Variants in FAM186B observed in about 807,000 individuals in gnomAD.
FAM186B encodes protein FAM186B.
In FAM186B, 68 loss-of-function variants were observed where a neutral mutation model predicts 83.4. That is an observed-to-expected ratio of 0.81 (90% CI 0.67 to 1.00). The LOEUF (loss-of-function observed/expected upper bound fraction) is 1.00, where lower values mean the gene tolerates loss of function less well. FAM186B is among the 50% of genes least tolerant of loss of function. FAM186B has a pLI of 0.00. For missense variants in FAM186B, 983 were observed against 1,099.2 expected (o/e 0.89, Z 1.49); for synonymous variants, 389 against 422.0 (o/e 0.92, Z 0.96).
the FAM186B span, among the ~76,000 whole-genome samples, chr12:49,621,173 A>G: frequency 6.6e-6 from 1 of 152,240 alleles, no homozygotes; most frequent in African/African-American, 2.4e-5. Context: ...ACTTGAGCTC[A>G]GGAGTTCAAG....
At chr12:49,585,594 G>A (rs183797366), downstream of FAM186B, among the ~76,000 whole-genome samples, 33 of 152,326 alleles carry the variant, frequency 2.2e-4, no homozygotes, top group African/African-American at 6.7e-4. Flanking sequence ...CTCACATGCC[G>A]AGAGGACGCC....
chr12:49,608,941 G>A (rs1213463354), upstream of FAM186B, among the ~76,000 whole-genome samples: 4 of 152,144 alleles, frequency 2.6e-5, no homozygotes, highest in Non-Finnish European at 4.4e-5. Flanking sequence ...GGCCCAGGAT[G>A]CCACTTTTAA....
At chr12:49,585,356 G>A (rs955689405), downstream of FAM186B, among the ~76,000 whole-genome samples, 3 of 152,182 alleles carry the variant, frequency 2.0e-5, no homozygotes, top group Admixed American at 2.0e-4. Context: ...AACAGACCCT[G>A]AGCAAGGGGA....
At chr12:49,582,948 T>A (rs1258275078), downstream of FAM186B, 4 of 446,330 alleles carry the variant, frequency 9.0e-6, no homozygotes, top group African/African-American at 8.0e-5. Context: ...GTGCAGGCTT[T>A]CTTTGCCTTT....
At chr12:49,607,540 C>G (rs887502815), upstream of FAM186B, among the ~76,000 whole-genome samples, 7 of 152,086 alleles carry the variant, frequency 4.6e-5, no homozygotes, top group Admixed American at 3.3e-4. Context: ...TATAAAAAAC[C>G]TTTCCCTCAA....
At chr12:49,619,412 C>G in the FAM186B span, 1 of 500,374 alleles carries the variant, frequency 2.0e-6, no homozygotes, top group Non-Finnish European at 3.6e-6. Flanking sequence ...TAAAGAGGCA[C>G]CATTCATCCC....
chr12:49,604,709 A>G (rs1939974193), intron 1 of FAM186B, 171 bp from the exon 2 acceptor site: 1 of 582,474 alleles, frequency 1.7e-6, no homozygotes, highest in Non-Finnish European at 3.0e-6. Context: ...TAAGGATTAA[A>G]TGAATTAAAT....
chr12:49,609,704 G>A (rs1258226897), upstream of FAM186B, among the ~76,000 whole-genome samples: 1 of 152,176 alleles, frequency 6.6e-6, no homozygotes, highest in Non-Finnish European at 1.5e-5. Context: ...AGAACTTGGG[G>A]CCAAGGAGGT....
chr12:49,614,856 C>G, the FAM186B span, among the ~76,000 whole-genome samples: 2 of 152,208 alleles, frequency 1.3e-5, no homozygotes, highest in Admixed American at 6.5e-5. Context: ...TGGGGCCGGG[C>G]GCAGTGGTTC....
the FAM186B span, among the ~76,000 whole-genome samples, chr12:49,612,537 T>TG: frequency 6.8e-6 from 1 of 147,938 alleles, no homozygotes. Context: ...TTATGTGTGT[T>TG]TTTTTTTTTT....
intron 1 of FAM186B, chr12:49,604,755 C>T (rs953108506): frequency 1.3e-4 from 64 of 476,210 alleles, no homozygotes; most frequent in Middle Eastern, 1.1e-3. Context: ...TGGCACATTA[C>T]ACAAAAGTGG....
rs189100676 is a variant in FAM186B, at chr12:49,596,041, G to T, written c.2364+2714C>A. On this transcript the variant is annotated intron_variant, in intron 5 of 6. Transcript: ENST00000257894. ...CAGCGAAATGTGACGATCACTTAGA[G>T]AAACAGGCCATTAGGAATCCATTCT... Among the ~76,000 whole-genome samples, 8 of 152,244 alleles carry T rather than the reference G, an allele frequency of 5.3e-5. No homozygotes were observed. The East Asian group carries it at 1.5e-3, about 29-fold the overall frequency.
chr12:49,608,508 C>A (rs369386209), upstream of FAM186B, among the ~76,000 whole-genome samples: 2,431 of 146,626 alleles, frequency 0.017, 58 homozygotes, highest in African/African-American at 0.058. Context: ...AAAAAAAAAA[C>A]CAAAAACCTT....
downstream of FAM186B, chr12:49,584,189 C>T (rs908649146): frequency 9.0e-6 from 3 of 331,946 alleles, no homozygotes; most frequent in South Asian, 3.9e-5. Context: ...ACAGCTATCT[C>T]GGCATGTTTG....
the FAM186B span, among the ~76,000 whole-genome samples, chr12:49,611,724 T>C: frequency 4.1e-5 from 2 of 48,584 alleles, no homozygotes; most frequent in African/African-American, 8.1e-5. Flanking sequence ...CTGAGCACAG[T>C]GGCATGCACC....
chr12:49,604,194 G>C, intron 2 of FAM186B, 119 bp downstream of exon 2: 1 of 749,084 alleles, frequency 1.3e-6, no homozygotes, highest in South Asian at 1.7e-5. Flanking sequence ...GAGGTGATGT[G>C]CTGTGACACG....
In FAM186B at chr12:49,604,478, G is replaced by T. The variant is rs374641159; in HGVS notation, c.157C>A (p.Gln53Lys). ...DNVNCVINRFQEELGYDLKEN... is the reference protein window; with the variant it reads ...DNVNCVINRFKEELGYDLKEN... ...TTTAAATCATATCCTAATTCTTCCT[G>T]GAAGCGGTTGATGACACAATTGACA... The change falls in exon 2 of 7, where the codon CAG becomes AAG. Residue 53 changes from glutamine (Q) to lysine (K), a missense_variant. Coordinates refer to ENST00000257894, the MANE Select transcript of FAM186B (RefSeq NM_032130.3). 2 of 1,614,034 alleles carry T rather than the reference G, an allele frequency of 1.2e-6. No homozygotes were observed. Among genetic ancestry groups the T allele is most frequent in the African/African-American group, 2.7e-5 (2 of 74,906 alleles).
chr12:49,591,987 A>G (rs962916486), intron 5 of FAM186B, among the ~76,000 whole-genome samples: 15 of 152,182 alleles, frequency 9.9e-5, no homozygotes, highest in African/African-American at 3.4e-4. Flanking sequence ...TCTGTGGTTG[A>G]TTGAATCCAC....
rs1939813586 is a variant in FAM186B at position 49,599,508 on chromosome 12, C to G, written c.2132G>C (p.Cys711Ser). The G allele has an allele frequency of 6.4e-7, 1 of 1,573,554 alleles. No individual in the cohort carries two copies. Among genetic ancestry groups the G allele is most frequent in the Non-Finnish European group, 8.6e-7 (1 of 1,163,112 alleles). The change falls in exon 4 of 7, where the codon TGC (cysteine) becomes TCC (serine). Residue 711 changes from cysteine (C) to serine (S), a missense_variant. By Grantham distance (112) the Cys-to-Ser change is moderately radical. Transcript: ENST00000257894. Reference protein sequence around the residue: ...ELGALRLQYLCHKYIFYRRLQ... With the variant: ...ELGALRLQYLSHKYIFYRRLQ... ...GCGTCTATAGAAGATGTACTTATGG[C>G]ACAGGTACTGCAGCCTGAGCGCGCC... is the stretch of plus-strand genomic sequence containing the variant.
Sources: allele counts gnomAD v4.1 joint callset (sites outside exome capture counted in the v4.1 genomes callset), GRCh38; gene constraint gnomAD v4.1.1; transcripts MANE v1.5; gene names NCBI Gene and HGNC (gene_info 2026-07-23, HGNC 2026-07-21).